The following MAP4K4 variants were observed in gnomAD, a reference collection of about 807,000 sequenced individuals.
MAP4K4 encodes the protein mitogen-activated protein kinase kinase kinase kinase 4, also known as HPK/GCK-like kinase HGK.
Under a neutral mutation model 189.6 loss-of-function variants are expected in MAP4K4, and 38 were observed. That is an observed-to-expected ratio of 0.20 (90% CI 0.15 to 0.26). The LOEUF is 0.26. Among genes scored for constraint, MAP4K4 ranks in the 10% least tolerant of loss-of-function variants. The pLI, the probability that MAP4K4 is intolerant of heterozygous loss-of-function variation, is 1.00. For missense variants in MAP4K4, 1,054 were observed against 1,726.9 expected, an observed-to-expected ratio of 0.61 and a Z score of 6.91; for synonymous variants, 610 against 624.3, an observed-to-expected ratio of 0.98 and a Z score of 0.34.
chr2:101,873,653 T>A, exon 25 of MAP4K4: 8 of 1,579,724 alleles, frequency 5.1e-6, no homozygotes, highest in Non-Finnish European at 7.0e-6. Flanking sequence ...GCAGACTCAG[T>A]CCGCTAGTAG....
At chr2:101,825,840 T>C (rs779157083) in intron 5 of MAP4K4, among the ~76,000 whole-genome samples, 14 of 152,240 alleles carry the variant, frequency 9.2e-5, no homozygotes, top group South Asian at 4.1e-4. Flanking sequence ...TTGAAGTCTT[T>C]GGCATTAGCT....
exon 13 of MAP4K4, chr2:101,856,009 G>A: frequency 6.4e-7 from 1 of 1,551,552 alleles, no homozygotes. Context: ...CTAGAAGGCA[G>A]CAGGAACGTG....
intron 3 of MAP4K4, among the ~76,000 whole-genome samples, chr2:101,813,718 A>G (rs2095565482): frequency 6.6e-6 from 1 of 152,196 alleles, no homozygotes; most frequent in Non-Finnish European, 1.5e-5. Context: ...AGCATCCAAC[A>G]AGATTTTCCC....
At chr2:101,707,692 T>TG (rs1262809188) in intron 2 of MAP4K4, among the ~76,000 whole-genome samples, 3 of 79,034 alleles carry the variant, frequency 3.8e-5, no homozygotes, top group Admixed American at 2.6e-4. Flanking sequence ...TTTTTTTTTT[T>TG]GTTTTTTTTT....
intron 3 of MAP4K4, among the ~76,000 whole-genome samples, chr2:101,792,312 T>G (rs1205117340): frequency 1.3e-5 from 2 of 152,140 alleles, no homozygotes; most frequent in East Asian, 3.9e-4. Context: ...CAATTTTAAA[T>G]GTAATCTTTT....
chr2:101,759,520 T>G (rs1223857912), intron 2 of MAP4K4, among the ~76,000 whole-genome samples: 1 of 16,618 alleles, frequency 6.0e-5, no homozygotes, highest in East Asian at 2.3e-3. Flanking sequence ...CCCCTCCCCA[T>G]TCCCCTCCCC....
intron 2 of MAP4K4, among the ~76,000 whole-genome samples, chr2:101,754,045 T>C (rs1384251629): frequency 1.3e-5 from 2 of 152,170 alleles, no homozygotes; most frequent in Admixed American, 6.5e-5. Context: ...TTTGGTTTTC[T>C]TTCTTTCTGT....
intron 5 of MAP4K4, 142 bp from the exon 6 acceptor site, chr2:101,829,362 G>C: frequency 1.7e-6 from 1 of 593,898 alleles, no homozygotes. Flanking sequence ...TGTCTTCCTG[G>C]GAATGCACTA....
chr2:101,783,446 C>T (rs1329032066), intron 2 of MAP4K4, among the ~76,000 whole-genome samples: 1 of 152,074 alleles, frequency 6.6e-6, no homozygotes, highest in Non-Finnish European at 1.5e-5. Flanking sequence ...TTCTTATAAT[C>T]TTGAAGAAGT....
At chr2:101,704,535 G>GTA (rs1559012729) in intron 2 of MAP4K4, among the ~76,000 whole-genome samples, 5 of 75,554 alleles carry the variant, frequency 6.6e-5, no homozygotes, top group African/African-American at 2.6e-4. Flanking sequence ...GTGTGTGTGT[G>GTA]TGTGTGTATA....
At chr2:101,812,038 CACT>C (rs1225144592) in intron 3 of MAP4K4, among the ~76,000 whole-genome samples, 2 of 152,130 alleles carry the variant, frequency 1.3e-5, no homozygotes, top group Non-Finnish European at 2.9e-5. Context: ...AGGTACCTAC[CACT>C]TGAGAGACTT....
At chr2:101,885,352 A>G in intron 29 of MAP4K4, 65 bp downstream of exon 29, 2 of 936,112 alleles carry the variant, frequency 2.1e-6, no homozygotes, top group Admixed American at 2.4e-5. Context: ...GAGTCAGGGA[A>G]TATGTTTAAA....
At chr2:101,758,971 A>C (rs527721094) in intron 2 of MAP4K4, among the ~76,000 whole-genome samples, 1 of 151,806 alleles carries the variant, frequency 6.6e-6, no homozygotes, top group Admixed American at 6.6e-5. Flanking sequence ...GTCTCTACTA[A>C]AAATACAAAA....
chr2:101,741,563 C>T (rs1041107893), intron 2 of MAP4K4, among the ~76,000 whole-genome samples: 6 of 152,136 alleles, frequency 3.9e-5, no homozygotes, highest in African/African-American at 1.2e-4. Flanking sequence ...ACATTTTACT[C>T]TACCCACCCC....
exon 33 of MAP4K4, chr2:101,892,744 T>A (rs1559370587): frequency 5.4e-6 from 2 of 373,286 alleles, no homozygotes; most frequent in East Asian, 7.3e-5. Flanking sequence ...TCTGTTTTTT[T>A]AAACCAATTT....
chr2:101,700,200 GA>G (rs1186221951), intron 2 of MAP4K4, among the ~76,000 whole-genome samples: 1 of 152,186 alleles, frequency 6.6e-6, no homozygotes, highest in African/African-American at 2.4e-5. Context: ...TAAGAGAAAG[GA>G]AAGAATGAAA....
intron 27 of MAP4K4, among the ~76,000 whole-genome samples, chr2:101,881,699 C>T (rs1388894759): frequency 6.6e-6 from 1 of 152,046 alleles, no homozygotes; most frequent in Admixed American, 6.6e-5. Context: ...AGGCAGTTCC[C>T]CCTCTATTCC....
chr2:101,832,519 A>T (rs2096620958), intron 7 of MAP4K4, among the ~76,000 whole-genome samples: 1 of 152,238 alleles, frequency 6.6e-6, no homozygotes, highest in African/African-American at 2.4e-5. Flanking sequence ...CCAATTAATG[A>T]GACTTAATTT....
chr2:101,697,839 G>A lies in MAP4K4; in HGVS notation c.-242G>A, dbSNP rs2035146428. 1 of 144,112 alleles carries A rather than the reference G, an allele frequency of 6.9e-6. No individual in the cohort carries two copies. The highest frequency in any genetic ancestry group is 2.5e-5 in the African/African-American group (1 of 40,036). 8.9% of individuals were successfully genotyped at this position (144,112 alleles called of 1,614,324 possible). ...GCCTGACGGCCGGCCCCGCGCCATG[G>A]TGTGAGCGCCGCCGCCCGTGCACGC... On this transcript the variant is annotated 5_prime_UTR_variant, in exon 1 of 33. It adds an upstream start codon to the 5' untranslated region. Coordinates refer to ENST00000324219, the Ensembl canonical transcript of MAP4K4.
Sources: allele counts gnomAD v4.1 joint callset (sites outside exome capture counted in the v4.1 genomes callset), GRCh38; gene constraint gnomAD v4.1.1; transcripts MANE v1.5; gene names NCBI Gene and HGNC (gene_info 2026-07-23, HGNC 2026-07-21).